Variants in ALOX15B observed in about 807,000 individuals in gnomAD.
The protein encoded by ALOX15B is arachidonate 15-lipoxygenase type B.
A neutral mutation model predicts 73.8 loss-of-function variants in ALOX15B; 74 were observed. That is an observed-to-expected ratio of 1.00 (90% confidence interval 0.83 to 1.22). The LOEUF (loss-of-function observed/expected upper bound fraction) is 1.22. Among genes scored for constraint, ALOX15B ranks in the 50% most tolerant of loss-of-function variants. The pLI, the probability that ALOX15B is intolerant of heterozygous loss-of-function variation, is 0.00. For synonymous variants in ALOX15B, 353 were observed against 357.2 expected (o/e 0.99, Z 0.13); for missense variants, 896 against 859.9 (o/e 1.04, Z -0.52).
chr17:8,042,715 C>G, intron 4 of ALOX15B, 66 bp from the exon 5 acceptor site: 1 of 1,455,346 alleles, frequency 6.9e-7, no homozygotes, highest in Non-Finnish European at 9.4e-7. Flanking sequence ...AGGCATAAGG[C>G]TGGCTGACAG....
chr17:8,047,223 G>A, intron 10 of ALOX15B, 35 bp from the exon 11 acceptor site: 1 of 1,613,692 alleles, frequency 6.2e-7, no homozygotes, highest in South Asian at 1.1e-5. Context: ...GCGGGTCGGG[G>A]TTGGAGGCTG....
Position 8,039,209 on chromosome 17 carries a change from ATGGGACAAAG to A in ALOX15B, c.57_66del (p.Trp19CysfsTer34). Reference sequence around the variant, plus strand: ...CCGGAGAAGCCTTCGGGGCTGGCACATGGGACAAAGTGTCTGTCAGCATCGTGGGGACCCG... The same window carrying A: ...CCGGAGAAGCCTTCGGGGCTGGCACATGTCTGTCAGCATCGTGGGGACCCG... On this transcript the variant is annotated frameshift_variant, in exon 1 of 14. Transcript: ENST00000380183. LOFTEE classifies it high-confidence loss of function. 1 of 1,612,418 alleles carries A rather than the reference ATGGGACAAAG, an allele frequency of 6.2e-7. No individual in the cohort carries two copies. Among genetic ancestry groups the A allele is most frequent in the Non-Finnish European group, 8.5e-7 (1 of 1,179,218 alleles).
intron 5 of ALOX15B, among the ~76,000 whole-genome samples, 175 bp downstream of exon 5, chr17:8,043,059 C>A (rs1976505256): frequency 6.6e-6 from 1 of 152,158 alleles, no homozygotes; most frequent in Admixed American, 6.5e-5. Context: ...GGATCCCTGA[C>A]CTTCTAACGC....
chr17:8,047,945 C>G, intron 13 of ALOX15B, 30 bp downstream of exon 13: 1 of 1,609,688 alleles, frequency 6.2e-7, no homozygotes, highest in Non-Finnish European at 8.5e-7. Context: ...CCAGGCTGGG[C>G]CAAATTGGGG....
intron 2 of ALOX15B, 122 bp downstream of exon 2, chr17:8,039,727 G>C: frequency 8.1e-7 from 1 of 1,227,024 alleles, no homozygotes; most frequent in Non-Finnish European, 1.1e-6. Context: ...GTAGCGGGCA[G>C]AGGAGAGGGA....
rs752057948 is a variant in ALOX15B at position 8,047,381 on chromosome 17, T to G, written c.1579+2T>G. 14 of 1,613,576 alleles carry G rather than the reference T, an allele frequency of 8.7e-6. No homozygotes were observed. The highest frequency in any genetic ancestry group is 1.7e-4 in the Middle Eastern group (1 of 5,942). Reference sequence around the variant, plus strand: ...GCTTCCTAAACCAGGAGAGCTCAGGTACAGGGACCTCAGCCCTCAGGCGCA... The same window carrying G: ...GCTTCCTAAACCAGGAGAGCTCAGGGACAGGGACCTCAGCCCTCAGGCGCA... On this transcript the variant is annotated splice_donor_variant, in intron 11 of 13. Coordinates refer to ENST00000380183, the MANE Select transcript of ALOX15B (RefSeq NM_001141.3). LOFTEE classifies it high-confidence loss of function.
Position 8,039,067 on chromosome 17 carries a change from T to C in ALOX15B, c.-89T>C. 1 of 1,271,978 alleles carries C rather than the reference T, an allele frequency of 7.9e-7. No individual in the cohort carries two copies. The highest frequency in any genetic ancestry group is 1.0e-6 in the Non-Finnish European group (1 of 980,080). 78.8% of individuals were successfully genotyped at this position (1,271,978 alleles called of 1,614,324 possible). A position where few individuals can be genotyped will look rare whatever the true frequency, so the allele number is the denominator to read the frequency against. On this transcript the variant is annotated 5_prime_UTR_variant, in exon 1 of 14. Transcript: ENST00000380183. Reference sequence around the variant, plus strand: ...CCACTGGGCTTGGAGTCAGTGGCAATAACCAGGGGCAATAACCAGGCGTGT... The same window carrying C: ...CCACTGGGCTTGGAGTCAGTGGCAACAACCAGGGGCAATAACCAGGCGTGT...
chr17:8,047,163 TGAG>T (rs1976632599), intron 10 of ALOX15B, 87 bp downstream of exon 10: 1 of 1,607,038 alleles, frequency 6.2e-7, no homozygotes, highest in Non-Finnish European at 8.5e-7. Flanking sequence ...AGGCTCACGT[TGAG>T]GAGGAGGGCC....
Position 8,045,695 on chromosome 17 carries a change from C to T in ALOX15B, c.1200+9C>T. On this transcript the variant is annotated intron_variant, in intron 8 of 13. Coordinates refer to ENST00000380183, the MANE Select transcript of ALOX15B (RefSeq NM_001141.3). ...GCCACCCTCTCTTCAAGGTCAGTGG[C>T]TTGACAAGGTGGCCCAGCCTGTGCC... 3 of 1,612,726 alleles carry T rather than the reference C, an allele frequency of 1.9e-6. No homozygotes were observed. The highest frequency in any genetic ancestry group is 2.5e-6 in the Non-Finnish European group (3 of 1,179,740).
chr17:8,039,350 A>AG (rs1247350185), intron 1 of ALOX15B, 36 bp from the exon 2 acceptor site: 1 of 1,597,408 alleles, frequency 6.3e-7, no homozygotes, highest in South Asian at 1.1e-5. Flanking sequence ...GGCGAGCAGG[A>AG]GGGTCCGGCC....
In ALOX15B at chr17:8,042,824, C is replaced by A; in HGVS notation, c.616C>A (p.Leu206Ile). ...CAAGGGGTTGCTGGACCGCAAGGGG[C>A]TCTGGAGGAGTCTGAATGAGATGAA... is the stretch of plus-strand genomic sequence containing the variant. ...KIKGLLDRKG[L>I]WRSLNEMKRI... is the part of the protein sequence containing the mutation. The change falls in exon 5 of 14, where the codon CTC (leucine) becomes ATC (isoleucine). Residue 206 changes from leucine to isoleucine, a missense_variant. Physicochemically the swap from Leu to Ile is conservative, Grantham distance 5 (BLOSUM62 2). Coordinates refer to ENST00000380183, the MANE Select transcript of ALOX15B (RefSeq NM_001141.3). 1.3e-6 allele frequency: 2 copies of A among 1,559,872 alleles called. No individual in the cohort carries two copies. Among genetic ancestry groups the A allele is most frequent in the Non-Finnish European group, 8.7e-7 (1 of 1,151,630 alleles).
At chr17:8,039,816 AG>A (rs2151810984) in intron 2 of ALOX15B, 85 bp from the exon 3 acceptor site, 1 of 1,378,928 alleles carries the variant, frequency 7.3e-7, no homozygotes, top group South Asian at 1.3e-5. Flanking sequence ...GACCTGGTAG[AG>A]GGTGGCAATC....
Position 8,039,582 on chromosome 17 carries a change from C to G in ALOX15B, c.344C>G (p.Thr115Ser). 7.1e-7 allele frequency: 1 copy of G among 1,407,472 alleles called. No individual in the cohort carries two copies. The highest frequency in any genetic ancestry group is 9.5e-7 in the Non-Finnish European group (1 of 1,056,552). The allele number at this position is 1,407,472 out of a possible 1,614,324, so 87.2% of individuals were successfully genotyped here. The change falls in exon 2 of 14, where the codon ACC becomes AGC. Residue 115 changes from threonine (T) to serine (S), a missense_variant. By Grantham distance (58) the Thr-to-Ser change is moderately conservative (BLOSUM62 1). Coordinates refer to ENST00000380183, the MANE Select transcript of ALOX15B (RefSeq NM_001141.3). ...PCYQWLEGAG[T>S]LVLQEGTAKV... ...TACCAGTGGCTGGAGGGGGCGGGGACCCTGGTGCTGCAGGAGGGTACAGGT... is the reference window on the plus strand; with the variant it reads ...TACCAGTGGCTGGAGGGGGCGGGGAGCCTGGTGCTGCAGGAGGGTACAGGT...
chr17:8,040,627 GA>G (rs1976427165), intron 3 of ALOX15B, among the ~76,000 whole-genome samples: 1 of 129,266 alleles, frequency 7.7e-6, no homozygotes, highest in Non-Finnish European at 1.8e-5. Context: ...AAGAAAGAAA[GA>G]AAGAAAGAAA....
intron 5 of ALOX15B, among the ~76,000 whole-genome samples, chr17:8,044,494 A>T (rs1217257595): frequency 6.6e-6 from 1 of 151,076 alleles, no homozygotes; most frequent in Non-Finnish European, 1.5e-5. Context: ...TGGGTGGGGG[A>T]TGGAGCTGCC....
At position 8,045,617 on chromosome 17, in the gene ALOX15B, A is replaced by G; in HGVS notation, c.1131A>G (p.Ser377=). The G allele has an allele frequency of 6.2e-6, 10 of 1,614,122 alleles. No individual in the cohort carries two copies. The highest frequency in any genetic ancestry group is 8.5e-6 in the Non-Finnish European group (10 of 1,179,998). The change falls in exon 8 of 14, where the codon TCA becomes TCG. Residue 377 remains serine, a synonymous_variant. Coordinates refer to ENST00000380183, the MANE Select transcript of ALOX15B (RefSeq NM_001141.3). ...AGGCCCTCACGCACCTGCTGCACTC[A>G]CATCTGCTGCCTGAGGTCTTCACCC... ...FHEALTHLLH[S]HLLPEVFTLA...
At position 8,039,531 on chromosome 17, in the gene ALOX15B, G is replaced by T; in HGVS notation, c.293G>T (p.Arg98Leu). Residue 98 changes from arginine to leucine, a missense_variant, in exon 2 of 14, where the codon CGG (arginine) becomes CTG (leucine). Physicochemically the swap from Arg to Leu is moderately radical, Grantham distance 102 (BLOSUM62 -2). Transcript: ENST00000380183. ...CGCTGGTTCCAGCTGACACCGCCGC[G>T]GGGCGGCCACCTCCTCTTCCCCTGC... ...FCRWFQLTPP[R>L]GGHLLFPCYQ... is the part of the protein sequence containing the mutation. The T allele has an allele frequency of 1.3e-6, 2 of 1,549,616 alleles. No homozygotes were observed. Among genetic ancestry groups the T allele is most frequent in the South Asian group, 1.2e-5 (1 of 85,272 alleles).
In ALOX15B at chr17:8,047,642, A is replaced by T; in HGVS notation, c.1658A>T (p.His553Leu). 6.2e-7 allele frequency: 1 copy of T among 1,612,014 alleles called. No homozygotes were observed. Among genetic ancestry groups the T allele is most frequent in the Non-Finnish European group, 8.5e-7 (1 of 1,179,020 alleles). Residue 553 changes from histidine (H) to leucine (L), a missense_variant, in exon 12 of 14, where the codon CAT becomes CTT. Transcript: ENST00000380183. Reference sequence around the variant, plus strand: ...GTGATATTCACCTGCTCCGCCAAGCATGCGGCTGTCAGTGCAGGGCAGGTG... The same window carrying T: ...GTGATATTCACCTGCTCCGCCAAGCTTGCGGCTGTCAGTGCAGGGCAGGTG... ...TMVIFTCSAK[H>L]AAVSAGQFDS...
At chr17:8,040,749 G>A (rs1196227517) in intron 3 of ALOX15B, among the ~76,000 whole-genome samples, 1 of 151,768 alleles carries the variant, frequency 6.6e-6, no homozygotes, top group East Asian at 1.9e-4. Context: ...TGTCCTCCCA[G>A]AAATCTGAGT....
Sources: allele counts gnomAD v4.1 joint callset (sites outside exome capture counted in the v4.1 genomes callset), GRCh38; gene constraint gnomAD v4.1.1; transcripts MANE v1.5; gene names NCBI Gene and HGNC (gene_info 2026-07-23, HGNC 2026-07-21).